The following ASIC2 variants were observed in gnomAD, a reference collection of about 807,000 sequenced individuals.
ASIC2 encodes acid-sensing ion channel 2.
Under a neutral mutation model 57.3 loss-of-function variants are expected in ASIC2, and 25 were observed. That is an observed-to-expected ratio of 0.44 (90% CI 0.32 to 0.61). The LOEUF is 0.61. Among genes scored for constraint, ASIC2 ranks in the 20% least tolerant of loss-of-function variants. The probability of loss-of-function intolerance (pLI) is 0.06; values close to 1 mark genes in which losing one functional copy is unlikely to be tolerated. For missense variants in ASIC2, 641 were observed against 738.1 expected (o/e 0.87, Z 1.52); for synonymous variants, 319 against 307.5 (o/e 1.04, Z -0.39).
At chr17:33,667,063 G>C (rs1359155676) in intron 1 of ASIC2, among the ~76,000 whole-genome samples, 1 of 152,156 alleles carries the variant, frequency 6.6e-6, no homozygotes, top group African/African-American at 2.4e-5. Flanking sequence ...TGGACTATGG[G>C]ACTTAGTCAG....
chr17:33,304,824 C>T (rs551075513), intron 1 of ASIC2, among the ~76,000 whole-genome samples: 26 of 152,164 alleles, frequency 1.7e-4, no homozygotes, highest in African/African-American at 6.0e-4. Context: ...GCTTGTAGTG[C>T]GTCTGCCGTC....
At chr17:33,926,674 T>G (rs910144369) in intron 1 of ASIC2, among the ~76,000 whole-genome samples, 2 of 152,202 alleles carry the variant, frequency 1.3e-5, no homozygotes, top group Non-Finnish European at 2.9e-5. Context: ...CATAAGTACT[T>G]AAGAGTAAAA....
At chr17:33,952,927 G>A (rs918794376) in intron 1 of ASIC2, among the ~76,000 whole-genome samples, 1 of 152,056 alleles carries the variant, frequency 6.6e-6, no homozygotes, top group Admixed American at 6.5e-5. Flanking sequence ...ATTATAAAAG[G>A]TTGGAAGAAA....
At chr17:33,696,375 C>G (rs986343198) in intron 1 of ASIC2, among the ~76,000 whole-genome samples, 2 of 152,144 alleles carry the variant, frequency 1.3e-5, no homozygotes, top group Non-Finnish European at 2.9e-5. Context: ...AGTTTAGGAC[C>G]GGAGCAAAGA....
intron 1 of ASIC2, among the ~76,000 whole-genome samples, chr17:33,307,280 C>CTTCTTCTTCTTCTTCTTCTTCTTCTTT (rs1906221711): frequency 5.6e-5 from 2 of 35,824 alleles, no homozygotes; most frequent in Admixed American, 5.0e-4. Context: ...CCTCTTCCTT[C>CTTCTTCTTCTTCTTCTTCTTCTTCTTT]TTCTTCTTCT....
At chr17:34,107,318 A>G (rs1466379444) in intron 1 of ASIC2, among the ~76,000 whole-genome samples, 2 of 152,130 alleles carry the variant, frequency 1.3e-5, no homozygotes, top group Non-Finnish European at 2.9e-5. Context: ...CCTGGAAAAC[A>G]TGGCAAAACC....
intron 1 of ASIC2, among the ~76,000 whole-genome samples, chr17:33,323,215 C>T (rs1906938556): frequency 6.6e-6 from 1 of 152,230 alleles, no homozygotes; most frequent in East Asian, 1.9e-4. Flanking sequence ...ATATGTTCAC[C>T]GAAAGCCTTG....
At chr17:34,108,776 AT>A (rs1347543901) in intron 1 of ASIC2, among the ~76,000 whole-genome samples, 4 of 151,842 alleles carry the variant, frequency 2.6e-5, no homozygotes, top group East Asian at 1.9e-4. Flanking sequence ...TAGTTCTGTT[AT>A]TTTTTTCTTC....
intron 1 of ASIC2, among the ~76,000 whole-genome samples, chr17:33,869,527 G>T (rs974467782): frequency 1.3e-5 from 2 of 152,106 alleles, no homozygotes; most frequent in Admixed American, 6.6e-5. Flanking sequence ...ATTAAATGTG[G>T]TATACCTACA....
At chr17:33,769,679 C>G (rs1911038045) in intron 1 of ASIC2, among the ~76,000 whole-genome samples, 1 of 152,218 alleles carries the variant, frequency 6.6e-6, no homozygotes, top group South Asian at 2.1e-4. Flanking sequence ...TATGGATTTT[C>G]CCTGATTAAA....
chr17:33,068,999 G>C (rs926116221), intron 3 of ASIC2, among the ~76,000 whole-genome samples: 2 of 151,908 alleles, frequency 1.3e-5, no homozygotes, highest in Admixed American at 6.6e-5. Flanking sequence ...TGTTGGTATT[G>C]TGCTACTGGC....
rs116092473 is a variant in ASIC2, at chr17:33,575,823, G to A, written c.556-463756C>T. On this transcript the variant is annotated intron_variant, in intron 1 of 9. Coordinates refer to the ASIC2 transcript ENST00000359872. The stretch of plus-strand genomic sequence containing the variant: ...AAGCAGGGCCCCCCTTCAAAAGAGG[G>A]AGTACAGAGAGGCAAGGGGCTCTTT... 5.9e-3 allele frequency among the ~76,000 whole-genome samples: 898 copies of A among 152,212 alleles called. 9 individuals are homozygous for A. The highest frequency in any genetic ancestry group is 0.021 in the African/African-American group (868 of 41,538).
At chr17:33,380,265 A>AAAG (rs1555603559) in intron 1 of ASIC2, among the ~76,000 whole-genome samples, 17 of 130,194 alleles carry the variant, frequency 1.3e-4, no homozygotes, top group African/African-American at 4.5e-4. Flanking sequence ...AAAAAAAAAA[A>AAAG]AAAGAAAGAA....
intron 1 of ASIC2, among the ~76,000 whole-genome samples, chr17:33,862,093 A>T (rs140842235): frequency 6.6e-6 from 1 of 152,202 alleles, no homozygotes; most frequent in African/African-American, 2.4e-5. Context: ...TCCTTCACCC[A>T]GTATACTGTT....
At chr17:33,846,197 C>T (rs903199396) in intron 1 of ASIC2, among the ~76,000 whole-genome samples, 1 of 152,158 alleles carries the variant, frequency 6.6e-6, no homozygotes, top group South Asian at 2.1e-4. Context: ...CTTGGGGGCT[C>T]TTCTCCCGGG....
intron 1 of ASIC2, among the ~76,000 whole-genome samples, chr17:33,668,026 TA>T (rs1404730461): frequency 2.0e-5 from 3 of 152,108 alleles, no homozygotes; most frequent in Non-Finnish European, 4.4e-5. Context: ...ATTATAATAC[TA>T]AAAAATCCTC....
intron 1 of ASIC2, among the ~76,000 whole-genome samples, chr17:33,810,439 T>C (rs900964182): frequency 1.3e-5 from 2 of 152,176 alleles, no homozygotes; most frequent in African/African-American, 4.8e-5. Flanking sequence ...GCATCAGTAA[T>C]TCTTGTTCTT....
chr17:33,188,229 G>A (rs576836856), intron 1 of ASIC2, among the ~76,000 whole-genome samples: 1 of 152,142 alleles, frequency 6.6e-6, no homozygotes, highest in Admixed American at 6.6e-5. Context: ...CAAAAGAAAA[G>A]ATCAGTGACA....
chr17:33,965,174 G>A (rs1905039979), intron 1 of ASIC2, among the ~76,000 whole-genome samples: 1 of 152,184 alleles, frequency 6.6e-6, no homozygotes, highest in Non-Finnish European at 1.5e-5. Flanking sequence ...ACTAGCTAAT[G>A]GGAAAAGTGC....
Sources: allele counts gnomAD v4.1 joint callset (sites outside exome capture counted in the v4.1 genomes callset), GRCh38; gene constraint gnomAD v4.1.1; transcripts MANE v1.5; gene names NCBI Gene and HGNC (gene_info 2026-07-23, HGNC 2026-07-21).